ACSM1: variants seen among roughly 807,000 people sequenced by gnomAD.
The protein encoded by ACSM1 is acyl-CoA synthetase medium chain family member 1, also known as acyl-coenzyme A synthetase ACSM1, mitochondrial.
A neutral mutation model predicts 75.8 loss-of-function variants in ACSM1; 79 were observed. The observed-to-expected ratio is 1.04, with a 90% CI of 0.87 to 1.26. ACSM1 has a LOEUF of 1.26. Among genes scored for constraint, ACSM1 ranks in the 50% most tolerant of loss-of-function variants. ACSM1 has a pLI of 0.00. For missense variants in ACSM1, 676 were observed against 720.1 expected (o/e 0.94, Z 0.70); for synonymous variants, 279 against 265.8 (o/e 1.05, Z -0.48).
chr16:20,693,234 C>G (rs2079672198), intron 1 of ACSM1, among the ~76,000 whole-genome samples: 1 of 151,944 alleles, frequency 6.6e-6, no homozygotes, highest in East Asian at 1.9e-4. Context: ...TTCCAATGGA[C>G]TGGGATGTGG....
At chr16:20,694,622 A>G (rs902347042) in intron 1 of ACSM1, among the ~76,000 whole-genome samples, 1 of 152,192 alleles carries the variant, frequency 6.6e-6, no homozygotes. Context: ...AAGACAGTCC[A>G]AACAACCCCT....
At chr16:20,650,637 C>G (rs1444554895) in intron 7 of ACSM1, among the ~76,000 whole-genome samples, 1 of 151,140 alleles carries the variant, frequency 6.6e-6, no homozygotes, top group Non-Finnish European at 1.5e-5. Flanking sequence ...ACACAAAAGC[C>G]CTAGGCTACA....
At chr16:20,664,189 C>T (rs1346130917) in intron 6 of ACSM1, among the ~76,000 whole-genome samples, 2 of 28,956 alleles carry the variant, frequency 6.9e-5, no homozygotes, top group Admixed American at 3.7e-4. Flanking sequence ...GGTCTAAATG[C>T]CCCCTTTAAA....
At chr16:20,661,928 G>C in intron 6 of ACSM1, 55 bp from the exon 7 acceptor site, 1 of 1,213,624 alleles carries the variant, frequency 8.2e-7, no homozygotes, top group South Asian at 1.3e-5. Flanking sequence ...TAAACTAACA[G>C]CCAATTATTA....
chr16:20,675,101 G>A (rs1053890509), intron 4 of ACSM1, among the ~76,000 whole-genome samples: 3 of 152,130 alleles, frequency 2.0e-5, no homozygotes, highest in Non-Finnish European at 2.9e-5. Flanking sequence ...GGGTGTGTGC[G>A]GACCTACCCA....
chr16:20,631,348 T>C (rs1434733852), intron 10 of ACSM1, among the ~76,000 whole-genome samples: 10 of 152,134 alleles, frequency 6.6e-5, no homozygotes, highest in Non-Finnish European at 1.0e-4. Context: ...CCTGCAAAAA[T>C]TGTCATTGTT....
intron 6 of ACSM1, among the ~76,000 whole-genome samples, chr16:20,662,460 C>T (rs1398394523): frequency 6.6e-6 from 1 of 152,140 alleles, no homozygotes; most frequent in African/African-American, 2.4e-5. Flanking sequence ...GTTATTTAGA[C>T]TCTAAAATGT....
intron 2 of ACSM1, among the ~76,000 whole-genome samples, chr16:20,689,376 G>A (rs2079612433): frequency 6.6e-6 from 1 of 152,060 alleles, no homozygotes; most frequent in Admixed American, 6.6e-5. Context: ...AAAGATGTCA[G>A]TAAGAGAGGA....
intron 7 of ACSM1, among the ~76,000 whole-genome samples, chr16:20,647,949 G>A (rs149243234): frequency 2.3e-3 from 344 of 152,164 alleles, no homozygotes; most frequent in African/African-American, 8.0e-3. Context: ...CTGCCCTTTT[G>A]ACCTCCTCAT....
At chr16:20,639,802 G>A (rs1159724323) in intron 8 of ACSM1, among the ~76,000 whole-genome samples, 3 of 152,122 alleles carry the variant, frequency 2.0e-5, no homozygotes, top group Non-Finnish European at 2.9e-5. Flanking sequence ...CTATCCAGAA[G>A]GGACCTTTCC....
At chr16:20,649,582 A>C (rs1444449899) in intron 7 of ACSM1, among the ~76,000 whole-genome samples, 1 of 152,148 alleles carries the variant, frequency 6.6e-6, no homozygotes, top group Non-Finnish European at 1.5e-5. Context: ...TATCTGACAG[A>C]TTCCTCTGCA....
In ACSM1 at chr16:20,653,310, A is replaced by G. The variant is rs201662638; in HGVS notation, c.992+8484T>C. Among the ~76,000 whole-genome samples, 115 of 152,348 alleles carry G rather than the reference A, an allele frequency of 7.5e-4. No individual in the cohort carries two copies. In the East Asian group the frequency reaches 0.02, roughly 27 times the overall value. On this transcript the variant is annotated intron_variant, in intron 7 of 13. Transcript: ENST00000520010. The stretch of plus-strand genomic sequence containing the variant: ...ACAGCAAATATCATACTGAATGGGC[A>G]AAAACTGGAAGCATTCCCTTTGAAA...
At chr16:20,679,829 G>A (rs532395299) in intron 4 of ACSM1, 1 of 152,184 alleles carries the variant, frequency 6.6e-6, no homozygotes, top group East Asian at 1.9e-4. Context: ...TATGAATTCT[G>A]GTTTGAAATA....
At chr16:20,684,242 A>C (rs992381) in intron 3 of ACSM1, among the ~76,000 whole-genome samples, 146,928 of 152,198 alleles carry the variant, frequency 0.97, 71,016 homozygotes, top group Non-Finnish European at 0.99. Flanking sequence ...ATATTCAATT[A>C]GGTAAAGAAT....
intron 1 of ACSM1, among the ~76,000 whole-genome samples, chr16:20,694,493 C>T (rs1261567917): frequency 1.3e-5 from 2 of 152,252 alleles, no homozygotes; most frequent in Admixed American, 1.3e-4. Context: ...ACACACACCT[C>T]CTTCCACAGG....
chr16:20,661,001 T>C (rs1338817245), intron 7 of ACSM1, among the ~76,000 whole-genome samples: 1 of 152,140 alleles, frequency 6.6e-6, no homozygotes, highest in Admixed American at 6.6e-5. Context: ...ATAAATTGGT[T>C]TGGAAGATAG....
intron 10 of ACSM1, 66 bp from the exon 11 acceptor site, chr16:20,627,382 G>A: frequency 6.8e-7 from 1 of 1,478,012 alleles, no homozygotes; most frequent in Non-Finnish European, 8.9e-7. Context: ...CACAACCTTG[G>A]GTTCCAATCT....
chr16:20,656,115 G>A (rs1316172503), intron 7 of ACSM1, among the ~76,000 whole-genome samples: 1 of 152,060 alleles, frequency 6.6e-6, no homozygotes, highest in Non-Finnish European at 1.5e-5. Context: ...ACTTTTACTA[G>A]TTATATAAAG....
intron 7 of ACSM1, among the ~76,000 whole-genome samples, chr16:20,649,631 G>A (rs576435694): frequency 6.6e-6 from 1 of 152,220 alleles, no homozygotes; most frequent in Admixed American, 6.5e-5. Context: ...ATCTTAACCT[G>A]AACTTTTCCT....
Sources: gnomAD v4.1 joint callset for allele counts (sites outside exome capture counted in the v4.1 genomes callset) on GRCh38, gnomAD v4.1.1 for gene constraint, MANE v1.5 for transcripts, NCBI Gene and HGNC (gene_info 2026-07-23, HGNC 2026-07-21) for gene names.